PPM1L: variants seen among roughly 807,000 people sequenced by gnomAD.
The protein encoded by PPM1L is protein phosphatase 1L.
A neutral mutation model predicts 31.4 loss-of-function variants in PPM1L; 13 were observed. The ratio of observed to expected loss-of-function variants is 0.41; its 90% CI spans 0.27 to 0.66. The LOEUF (loss-of-function observed/expected upper bound fraction) is 0.66. Among genes scored for constraint, PPM1L ranks in the 30% least tolerant of loss-of-function variants. PPM1L has a pLI of 0.29. For synonymous variants in PPM1L, 184 were observed against 175.4 expected (o/e 1.05, Z -0.39); for missense variants, 326 against 453.7 (o/e 0.72, Z 2.56).
chr3:161,021,045 G>C (rs1443467662), intron 2 of PPM1L, among the ~76,000 whole-genome samples: 1 of 151,010 alleles, frequency 6.6e-6, no homozygotes, highest in East Asian at 1.9e-4. Context: ...CTCTATTTTT[G>C]TATCATTTAT....
rs1714808140 is a variant in PPM1L at position 160,756,517 on chromosome 3, A to G, written c.209A>G (p.Asp70Gly). 1 of 1,613,986 alleles carries G rather than the reference A, an allele frequency of 6.2e-7. No individual in the cohort carries two copies. The highest frequency in any genetic ancestry group is 8.5e-7 in the Non-Finnish European group (1 of 1,179,934). ...KGKVAEIMQN[D>G]RLGGLDVLEA... ...AAGGTAGCCGAGATCATGCAGAACGATCGACTCGGGGGGCTTGATGTGCTC... is the reference window on the plus strand; with the variant it reads ...AAGGTAGCCGAGATCATGCAGAACGGTCGACTCGGGGGGCTTGATGTGCTC... Residue 70 changes from aspartate to glycine, a missense_variant, in exon 1 of 4, where the codon GAT becomes GGT. Asp to Gly is a moderately conservative substitution (Grantham distance 94). Transcript: ENST00000498165. The surrounding 1 kb of genome is among the most constrained non-coding windows in gnomAD (Gnocchi z 6.2).
At chr3:160,891,883 A>G (rs1433294898) in intron 1 of PPM1L, among the ~76,000 whole-genome samples, 11 of 152,192 alleles carry the variant, frequency 7.2e-5, no homozygotes. Flanking sequence ...ATCCTCAGGA[A>G]ACTAATACAG....
intron 1 of PPM1L, among the ~76,000 whole-genome samples, chr3:160,767,870 T>C (rs1363579173): frequency 6.6e-6 from 1 of 152,228 alleles, no homozygotes; most frequent in Admixed American, 6.5e-5. Flanking sequence ...CATTTCTTTT[T>C]AATCTAGTAA....
chr3:161,014,320 C>A (rs982158416), intron 2 of PPM1L, among the ~76,000 whole-genome samples: 1 of 152,088 alleles, frequency 6.6e-6, no homozygotes, highest in African/African-American at 2.4e-5. Flanking sequence ...AGAAGATATT[C>A]AAATACAATA....
At chr3:160,784,727 C>T (rs925963099) in intron 1 of PPM1L, among the ~76,000 whole-genome samples, 3 of 152,154 alleles carry the variant, frequency 2.0e-5, no homozygotes, top group Admixed American at 6.5e-5. Context: ...CTCTATCAAA[C>T]ATTAATTTAT....
rs527721862 is a variant in PPM1L at position 160,914,748 on chromosome 3, A to AT, written c.400-46987dup. ...TATTGTGAATAGTGCCGCACTAAACATATGTGTGCATGTGTCTTTATAGCA... is the reference window on the plus strand; with the variant it reads ...TATTGTGAATAGTGCCGCACTAAACATTATGTGTGCATGTGTCTTTATAGCA... On this transcript the variant is annotated intron_variant, in intron 1 of 3. Coordinates refer to ENST00000498165, the MANE Select transcript of PPM1L (RefSeq NM_139245.4). 1.8e-3 allele frequency among the ~76,000 whole-genome samples: 275 copies of AT among 152,222 alleles called. 1 individual carries two copies. Among genetic ancestry groups the AT allele is most frequent in the African/African-American group, 6.2e-3 (256 of 41,504 alleles).
At chr3:160,893,582 G>A (rs1304658665) in intron 1 of PPM1L, among the ~76,000 whole-genome samples, 1 of 152,134 alleles carries the variant, frequency 6.6e-6, no homozygotes, top group Non-Finnish European at 1.5e-5. Flanking sequence ...AGATTATCCT[G>A]TACCCCTGAT....
Position 160,961,610 on chromosome 3 carries a change from A to C in PPM1L, c.400-126A>C, listed in dbSNP as rs1715966163. 1.1e-5 allele frequency: 7 copies of C among 647,192 alleles called. No individual in the cohort carries two copies. In the South Asian group the frequency reaches 2.1e-4, roughly 20 times the overall value. The allele number at this position is 647,192 out of a possible 1,614,324, so 40.1% of individuals were successfully genotyped here. ...GATACTAAAAATGACGATGACAAGG[A>C]CATGCTTGTCTGGAGGGTTGGTTTC... On this transcript the variant is annotated intron_variant, in intron 1 of 3. Coordinates refer to ENST00000498165, the MANE Select transcript of PPM1L (RefSeq NM_139245.4).
intron 1 of PPM1L, among the ~76,000 whole-genome samples, chr3:160,874,213 A>G (rs1712422430): frequency 6.6e-6 from 1 of 152,174 alleles, no homozygotes. Flanking sequence ...TTGAATCTTG[A>G]GTGCATAACT....
At position 161,075,131 on chromosome 3, in the gene PPM1L, C is replaced by T. The variant is rs1720060013; in HGVS notation, c.*5974C>T. The T allele has an allele frequency of 6.6e-6, 1 of 152,146 alleles. No homozygotes were observed. The highest frequency in any genetic ancestry group is 2.4e-5 in the African/African-American group (1 of 41,422). The allele number at this position is 152,146 out of a possible 1,614,324, so 9.4% of individuals were successfully genotyped here. On this transcript the variant is annotated 3_prime_UTR_variant, in exon 4 of 4. Coordinates refer to ENST00000498165, the MANE Select transcript of PPM1L (RefSeq NM_139245.4). ...CTTCAGGAGAGGGATTGTATCAGCT[C>T]TCATTACCTTTTGTCATGAGGCAGT...
intron 1 of PPM1L, among the ~76,000 whole-genome samples, chr3:160,787,359 T>C (rs574936585): frequency 6.6e-6 from 1 of 152,348 alleles, no homozygotes; most frequent in East Asian, 1.9e-4. Flanking sequence ...TGAATAGTGA[T>C]GTTGAGCACT....
At chr3:160,808,640 C>G (rs1239162184) in intron 1 of PPM1L, among the ~76,000 whole-genome samples, 1 of 152,192 alleles carries the variant, frequency 6.6e-6, no homozygotes, top group Non-Finnish European at 1.5e-5. Context: ...ACTCAAAGCT[C>G]TGCCCAGCCT....
intron 2 of PPM1L, among the ~76,000 whole-genome samples, chr3:161,021,638 T>C (rs192232572): frequency 2.4e-3 from 372 of 152,226 alleles, no homozygotes; most frequent in Admixed American, 4.3e-3. Flanking sequence ...TTGTCATCTA[T>C]TATTGTTGAA....
chr3:161,025,790 C>A (rs1035233472), intron 2 of PPM1L, among the ~76,000 whole-genome samples: 4 of 151,910 alleles, frequency 2.6e-5, no homozygotes, highest in Admixed American at 2.0e-4. Context: ...TAAACTAAGA[C>A]GATAGGTTAA....
chr3:160,982,123 T>C (rs1559912886), intron 2 of PPM1L, among the ~76,000 whole-genome samples: 1 of 152,070 alleles, frequency 6.6e-6, no homozygotes. Flanking sequence ...AAAGCTGGAG[T>C]GTTGAGCCCT....
chr3:160,858,663 CA>C (rs1392029537), intron 1 of PPM1L, among the ~76,000 whole-genome samples: 1 of 152,032 alleles, frequency 6.6e-6, no homozygotes, highest in Admixed American at 6.6e-5. Flanking sequence ...GTAAAAAATA[CA>C]AGAGTGTTTA....
chr3:160,916,825 A>T (rs1714202645), intron 1 of PPM1L, among the ~76,000 whole-genome samples: 1 of 152,138 alleles, frequency 6.6e-6, no homozygotes, highest in Non-Finnish European at 1.5e-5. Flanking sequence ...CATGGAGCTT[A>T]TTGGTGGAGT....
chr3:160,885,719 G>A (rs1712892255), intron 1 of PPM1L, among the ~76,000 whole-genome samples: 1 of 152,216 alleles, frequency 6.6e-6, no homozygotes, highest in South Asian at 2.1e-4. Context: ...TGTCAGCCAC[G>A]GATCGGAAGA....
chr3:160,965,584 G>A (rs1353806562), intron 2 of PPM1L, among the ~76,000 whole-genome samples: 1 of 152,090 alleles, frequency 6.6e-6, no homozygotes, highest in Non-Finnish European at 1.5e-5. Flanking sequence ...ATGTTCAGTA[G>A]GTTAGGTGTA....
Sources: gnomAD v4.1 joint callset for allele counts (sites outside exome capture counted in the v4.1 genomes callset) on GRCh38, gnomAD v4.1.1 for gene constraint, Gnocchi (gnomAD v3.1) non-coding constraint, MANE v1.5 for transcripts, NCBI Gene and HGNC (gene_info 2026-07-23, HGNC 2026-07-21) for gene names.